FGD5: variants seen among roughly 807,000 people sequenced by gnomAD.
FGD5 encodes the protein FYVE, RhoGEF and PH domain-containing protein 5.
In FGD5, 28 loss-of-function variants were observed where a neutral mutation model predicts 133.4. That is an observed-to-expected ratio of 0.21 (90% CI 0.16 to 0.29). FGD5 has a LOEUF of 0.29. Among genes scored for constraint, FGD5 ranks in the 10% least tolerant of loss-of-function variants. The pLI is 1.00. For synonymous variants in FGD5, 810 were observed against 776.5 expected (o/e 1.04, Z -0.72); for missense variants, 1,858 against 1,895.2 (o/e 0.98, Z 0.36).
At chr3:14,919,357 G>A (rs780626680) in intron 13 of FGD5, among the ~76,000 whole-genome samples, 2 of 152,148 alleles carry the variant, frequency 1.3e-5, no homozygotes, top group South Asian at 2.1e-4. Context: ...GGTGGCTCAC[G>A]CCTGTAATCC....
chr3:14,871,297 A>G (rs1559487630), intron 2 of FGD5, among the ~76,000 whole-genome samples: 1 of 152,256 alleles, frequency 6.6e-6, no homozygotes. Flanking sequence ...CTAGTACATT[A>G]AGATATAGTC....
chr3:14,911,863 G>A (rs745702445), intron 11 of FGD5, among the ~76,000 whole-genome samples: 2 of 151,056 alleles, frequency 1.3e-5, no homozygotes, highest in African/African-American at 4.9e-5. Flanking sequence ...CAGCGCCGCC[G>A]TGTCTGGAGT....
intron 18 of FGD5, chr3:14,931,076 G>A (rs528894260): frequency 5.5e-4 from 84 of 152,062 alleles, no homozygotes; most frequent in African/African-American, 2.0e-3. Context: ...GTACAATGTT[G>A]AATTGAACTG....
intron 1 of FGD5, among the ~76,000 whole-genome samples, chr3:14,836,705 C>T (rs1382205713): frequency 6.6e-6 from 1 of 152,110 alleles, no homozygotes; most frequent in East Asian, 1.9e-4. Context: ...CTTGAGTAAC[C>T]AAGTGGCCAC....
Position 14,898,083 on chromosome 3 carries a change from C to T in FGD5, c.3054C>T (p.Val1018=). 6.2e-7 allele frequency: 1 copy of T among 1,614,012 alleles called. No homozygotes were observed. The highest frequency in any genetic ancestry group is 8.5e-7 in the Non-Finnish European group (1 of 1,179,898). ...ACTCTCCCCGGCTGGCAGCTGCTGT[C>T]CGTGAATTTGAGGTGGGTCCCTTGG... ...CLHSPRLAAA[V]REFEQSVQGG... Residue 1018 remains valine (V), a synonymous_variant, in exon 6 of 20, where the codon GTC becomes GTT. Transcript: ENST00000285046.
upstream of FGD5, chr3:14,810,717 G>T (rs2036278432): frequency 1.2e-6 from 1 of 811,398 alleles, no homozygotes; most frequent in Non-Finnish European, 1.5e-6. Context: ...GGAGTCCGAG[G>T]CGCGCCGGGG....
chr3:14,822,826 G>A (rs564880908), intron 1 of FGD5, among the ~76,000 whole-genome samples: 6 of 152,172 alleles, frequency 3.9e-5, no homozygotes, highest in Non-Finnish European at 7.4e-5. Context: ...TTGCTGCTAG[G>A]AATTCCTAGG....
At chr3:14,901,315 C>T (rs778249125) in intron 9 of FGD5, among the ~76,000 whole-genome samples, 6 of 152,238 alleles carry the variant, frequency 3.9e-5, no homozygotes, top group Non-Finnish European at 7.3e-5. Flanking sequence ...GAGGCCACCC[C>T]CATCAGCACC....
intron 17 of FGD5, among the ~76,000 whole-genome samples, chr3:14,925,414 C>T (rs1013140018): frequency 6.6e-6 from 1 of 152,140 alleles, no homozygotes; most frequent in Non-Finnish European, 1.5e-5. Context: ...ACATTTTTTA[C>T]ATTGCATTCC....
chr3:14,921,664 C>A (rs533205097), intron 13 of FGD5, among the ~76,000 whole-genome samples: 70 of 152,324 alleles, frequency 4.6e-4, no homozygotes, highest in African/African-American at 1.6e-3. Flanking sequence ...CTCCCTTCAT[C>A]CCCACAGCAG....
Position 14,934,111 on chromosome 3 carries a change from G to A in FGD5, c.*944G>A, listed in dbSNP as rs1204233668. ...CTTTTAGACACACGGTAATCCTTGG[G>A]CTGTATTACTGAAGGCTTTTTATTT... On this transcript the variant is annotated 3_prime_UTR_variant, in exon 20 of 20. Transcript: ENST00000285046. The A allele has an allele frequency of 1.3e-5, 2 of 152,208 alleles. No homozygotes were observed. Among genetic ancestry groups the A allele is most frequent in the Admixed American group, 6.5e-5 (1 of 15,278 alleles). The allele number at this position is 152,208 out of a possible 1,614,324, so 9.4% of individuals were successfully genotyped here. A position where few individuals can be genotyped will look rare whatever the true frequency, so the allele number is the denominator to read the frequency against.
upstream of FGD5, among the ~76,000 whole-genome samples, chr3:14,814,209 C>A (rs918747541): frequency 6.6e-6 from 1 of 152,172 alleles, no homozygotes; most frequent in Non-Finnish European, 1.5e-5. Flanking sequence ...CCAGCTACAT[C>A]CATGCTGGGT....
chr3:14,933,079 G>T, intron 19 of FGD5, 52 bp from the exon 20 acceptor site: 1 of 1,597,896 alleles, frequency 6.3e-7, no homozygotes, highest in Non-Finnish European at 8.5e-7. Context: ...TCTGTGACCA[G>T]AGTCATAGGC....
chr3:14,901,312 C>A (rs2038234812), intron 9 of FGD5, among the ~76,000 whole-genome samples: 1 of 152,216 alleles, frequency 6.6e-6, no homozygotes, highest in South Asian at 2.1e-4. Flanking sequence ...TCTGAGGCCA[C>A]CCCCATCAGC....
In FGD5 at chr3:14,917,130, G is replaced by T. The variant is rs536773709; in HGVS notation, c.3406-119G>T. ...GCCGCAACGTTTTTGCTCACCTGTG[G>T]GGGTTACTGAGGAATACAAGATGCC... On this transcript the variant is annotated intron_variant, in intron 11 of 19. Coordinates refer to ENST00000285046, the MANE Select transcript of FGD5 (RefSeq NM_152536.4). This position sits in a 1 kb window ranked among gnomAD's most constrained non-coding sequence, Gnocchi z 4.1. 2 of 820,068 alleles carry T rather than the reference G, an allele frequency of 2.4e-6. No individual in the cohort carries two copies. Among genetic ancestry groups the T allele is most frequent in the Admixed American group, 5.8e-5 (2 of 34,400 alleles). 50.8% of individuals were successfully genotyped at this position (820,068 alleles called of 1,614,324 possible).
chr3:14,879,290 A>G (rs2125116767), intron 2 of FGD5, among the ~76,000 whole-genome samples: 1 of 152,254 alleles, frequency 6.6e-6, no homozygotes, highest in Non-Finnish European at 1.5e-5. Flanking sequence ...CTGCACATTC[A>G]CAGCCTCCCC....
In FGD5 at chr3:14,893,536, C is replaced by T. The variant is rs572247892; in HGVS notation, c.2749-3973C>T. ...TAACCTTTTAAATTTTTTGTAAAGA[C>T]GGAGTCTCAATATATTGCCCAGGCT... is the stretch of plus-strand genomic sequence containing the variant. On this transcript the variant is annotated intron_variant, in intron 4 of 19. Coordinates refer to ENST00000285046, the MANE Select transcript of FGD5 (RefSeq NM_152536.4). Among the ~76,000 whole-genome samples, 124 of 152,002 alleles carry T rather than the reference C, an allele frequency of 8.2e-4. 1 individual carries two copies. The highest frequency in any genetic ancestry group is 2.8e-3 in the African/African-American group (114 of 41,438).
intron 1 of FGD5, among the ~76,000 whole-genome samples, chr3:14,843,578 G>A (rs113168110): frequency 1.3e-5 from 2 of 152,044 alleles, no homozygotes; most frequent in East Asian, 3.9e-4. Context: ...ATAAGGTCAC[G>A]GCCAGCCCCT....
At chr3:14,851,951 A>G (rs1013517747) in intron 1 of FGD5, among the ~76,000 whole-genome samples, 1 of 152,108 alleles carries the variant, frequency 6.6e-6, no homozygotes, top group Non-Finnish European at 1.5e-5. Context: ...GACAATAACA[A>G]GTGTTGACAA....
Sources: gnomAD v4.1 joint callset for allele counts (sites outside exome capture counted in the v4.1 genomes callset) on GRCh38, gnomAD v4.1.1 for gene constraint, Gnocchi (gnomAD v3.1) non-coding constraint, MANE v1.5 for transcripts, NCBI Gene and HGNC (gene_info 2026-07-23, HGNC 2026-07-21) for gene names.